Variants in SIN3B observed in about 807,000 individuals in gnomAD.
The protein encoded by SIN3B is paired amphipathic helix protein Sin3b.
In SIN3B, 19 loss-of-function variants were observed where a neutral mutation model predicts 120.2. The ratio of observed to expected loss-of-function variants is 0.16; its 90% CI spans 0.11 to 0.23. The LOEUF is 0.23. SIN3B is among the 10% of genes least tolerant of loss of function. The pLI, the probability that SIN3B is intolerant of heterozygous loss-of-function variation, is 1.00. For missense variants in SIN3B, 1,073 were observed against 1,573.0 expected (o/e 0.68, Z 5.38); for synonymous variants, 654 against 653.2 (o/e 1.00, Z -0.02).
At position 16,852,032 on chromosome 19, in the gene SIN3B, G is replaced by A. The variant is rs147774121; in HGVS notation, c.849+498G>A. Reference sequence around the variant, plus strand: ...GTCGTCCTCCCATTTATTTAGTTATGTATATTAGATATGGACTCTGGGTTA... The same window carrying A: ...GTCGTCCTCCCATTTATTTAGTTATATATATTAGATATGGACTCTGGGTTA... On this transcript the variant is annotated intron_variant, in intron 6 of 18. Transcript: ENST00000248054. Among the ~76,000 whole-genome samples the A allele has an allele frequency of 2.0e-3, 307 of 152,298 alleles. 2 individuals are homozygous for A. Among genetic ancestry groups the A allele is most frequent in the African/African-American group, 6.9e-3 (285 of 41,568 alleles).
intron 13 of SIN3B, 84 bp from the exon 14 acceptor site, chr19:16,871,145 T>C (rs777891152): frequency 6.3e-5 from 98 of 1,554,778 alleles, no homozygotes; most frequent in Non-Finnish European, 8.1e-5. Context: ...GGGGCATTTG[T>C]TGGGGCTCTG....
intron 3 of SIN3B, among the ~76,000 whole-genome samples, chr19:16,835,118 G>T (rs1971330660): frequency 1.3e-5 from 2 of 151,464 alleles, no homozygotes. Context: ...TAGAGACGGG[G>T]TTTCTCCATA....
At chr19:16,834,092 T>C (rs1971314580) in intron 3 of SIN3B, among the ~76,000 whole-genome samples, 1 of 152,172 alleles carries the variant, frequency 6.6e-6, no homozygotes. Flanking sequence ...TTCCATTTCC[T>C]GTTTGCAAAT....
At chr19:16,866,923 A>T (rs1334920874) in intron 12 of SIN3B, among the ~76,000 whole-genome samples, 3 of 152,044 alleles carry the variant, frequency 2.0e-5, no homozygotes, top group Non-Finnish European at 4.4e-5. Context: ...CACCCAGCTA[A>T]TTTTTATATT....
intron 5 of SIN3B, among the ~76,000 whole-genome samples, chr19:16,848,374 G>A (rs914264546): frequency 1.3e-5 from 2 of 148,626 alleles, no homozygotes; most frequent in Non-Finnish European, 3.0e-5. Flanking sequence ...TATCAGCAAT[G>A]GACTGCGGTT....
intron 4 of SIN3B, among the ~76,000 whole-genome samples, chr19:16,846,082 T>G (rs1287183915): frequency 6.6e-6 from 1 of 152,250 alleles, no homozygotes; most frequent in East Asian, 1.9e-4. Flanking sequence ...CTAAATTGTT[T>G]CTTTAAACTT....
At chr19:16,831,668 G>C in intron 3 of SIN3B, 21 bp downstream of exon 3, 2 of 1,612,144 alleles carry the variant, frequency 1.2e-6, no homozygotes, top group Non-Finnish European at 1.7e-6. Flanking sequence ...ACAGTGGTTC[G>C]GGTGATCTCA....
intron 2 of SIN3B, among the ~76,000 whole-genome samples, chr19:16,831,003 A>T (rs1056029820): frequency 2.0e-5 from 3 of 151,042 alleles, no homozygotes; most frequent in African/African-American, 7.3e-5. Context: ...GGGAACAGGG[A>T]GCTCAGGCCT....
intron 4 of SIN3B, among the ~76,000 whole-genome samples, chr19:16,842,617 C>T (rs755247932): frequency 7.9e-5 from 12 of 152,138 alleles, no homozygotes; most frequent in Non-Finnish European, 1.3e-4. Context: ...TTAGGCAATA[C>T]GGCCATCCTT....
At chr19:16,853,239 T>C in intron 7 of SIN3B, 81 bp downstream of exon 7, 2 of 1,342,890 alleles carry the variant, frequency 1.5e-6, no homozygotes, top group African/African-American at 1.4e-5. Context: ...TGCCCCAGGA[T>C]TGGGGCGGGG....
At chr19:16,834,958 C>T (rs142395856) in intron 3 of SIN3B, among the ~76,000 whole-genome samples, 9 of 142,912 alleles carry the variant, frequency 6.3e-5, no homozygotes, top group African/African-American at 1.6e-4. Context: ...TTCAGAGTTT[C>T]GCTCTTTACC....
rs1357642819 is a variant in SIN3B at position 16,878,484 on chromosome 19, G to T, written c.3163-13G>T. 3.8e-6 allele frequency: 6 copies of T among 1,563,448 alleles called. No individual in the cohort carries two copies. Among genetic ancestry groups the T allele is most frequent in the Non-Finnish European group, 5.2e-6 (6 of 1,153,854 alleles). ...CAGCCCTCAGCTGCCCTGACACCCGGCCTCTTCAACAGGTGCAGCCCCTGG... is the reference window on the plus strand; with the variant it reads ...CAGCCCTCAGCTGCCCTGACACCCGTCCTCTTCAACAGGTGCAGCCCCTGG... On this transcript the variant is annotated splice_polypyrimidine_tract_variant and intron_variant, in intron 18 of 18. Transcript: ENST00000248054.
intron 3 of SIN3B, among the ~76,000 whole-genome samples, chr19:16,838,628 T>C (rs1043631904): frequency 2.0e-5 from 3 of 152,210 alleles, no homozygotes; most frequent in Non-Finnish European, 2.9e-5. Flanking sequence ...TGCATAGTGC[T>C]GCAACGAACA....
Position 16,844,921 on chromosome 19 carries a change from A to G in SIN3B, c.583-2049A>G, listed in dbSNP as rs374933528. The stretch of plus-strand genomic sequence containing the variant: ...ACAGGGCTGGCCCCTAGCACAGGGG[A>G]ACGCTGAGAGAGTGCATGGACATGG... On this transcript the variant is annotated intron_variant, in intron 4 of 18. Transcript: ENST00000248054. Among the ~76,000 whole-genome samples the G allele has an allele frequency of 3.5e-4, 54 of 152,208 alleles. 1 individual carries two copies. The South Asian group carries it at 0.011, about 32-fold the overall frequency.
chr19:16,846,059 C>T (rs1243414720), intron 4 of SIN3B, among the ~76,000 whole-genome samples: 3 of 152,234 alleles, frequency 2.0e-5, no homozygotes, highest in African/African-American at 7.2e-5. Flanking sequence ...AGGCATGAGC[C>T]ATCATGCCCA....
At position 16,877,692 on chromosome 19, in the gene SIN3B, T is replaced by A. The variant is rs367738075; in HGVS notation, c.2954+53T>A. On this transcript the variant is annotated intron_variant, in intron 17 of 18. Coordinates refer to ENST00000248054, the MANE Select transcript of SIN3B (RefSeq NM_001297595.2). ...TTCCTTCCTTCCTGGGCCCAGGGAG[T>A]GTCCCCTTTGTCCTGACGGGGGCTG... 4.8e-6 allele frequency: 6 copies of A among 1,249,742 alleles called. No homozygotes were observed. In the African/African-American group the frequency reaches 8.8e-5, roughly 18 times the overall value. The allele number at this position is 1,249,742 out of a possible 1,614,324, so 77.4% of individuals were successfully genotyped here.
chr19:16,841,819 C>G lies in SIN3B; in HGVS notation c.433C>G (p.Pro145Ala), dbSNP rs1382150710. 1 of 1,614,004 alleles carries G rather than the reference C, an allele frequency of 6.2e-7. No homozygotes were observed. Among genetic ancestry groups the G allele is most frequent in the Non-Finnish European group, 8.5e-7 (1 of 1,179,998 alleles). ...TGCAGAGGACTTCAAGCAGCAGGTG[C>G]CGTATAAAGAGGACAAACCCCAGGT... is the stretch of plus-strand genomic sequence containing the variant. The part of the protein sequence containing the change: ...DGAEDFKQQV[P>A]YKEDKPQVPL... Residue 145 changes from proline to alanine, a missense_variant, in exon 4 of 19, where the codon CCG becomes GCG. Transcript: ENST00000248054.
rs1971698744 is a variant in SIN3B, at chr19:16,862,265, T to C, written c.1059-87T>C. 3.0e-6 allele frequency: 3 copies of C among 1,007,948 alleles called. No homozygotes were observed. Among genetic ancestry groups the C allele is most frequent in the East Asian group, 2.4e-5 (1 of 41,682 alleles). The allele number at this position is 1,007,948 out of a possible 1,614,324, so 62.4% of individuals were successfully genotyped here. A position where few individuals can be genotyped will look rare whatever the true frequency, so the allele number is the denominator to read the frequency against. On this transcript the variant is annotated intron_variant, in intron 8 of 18. Coordinates refer to ENST00000248054, the MANE Select transcript of SIN3B (RefSeq NM_001297595.2). The surrounding 1 kb of genome is among the most constrained non-coding windows in gnomAD (Gnocchi z 4.7). ...AATTCTGACTCTGTTTAACTTGTAA[T>C]GTCCACATGAAGCCATTCTAAAATC...
intron 17 of SIN3B, 72 bp downstream of exon 17, chr19:16,877,711 G>C (rs2051628688): frequency 4.6e-6 from 5 of 1,091,320 alleles, no homozygotes; most frequent in Admixed American, 2.0e-5. Context: ...TGTCCTGACG[G>C]GGGCTGGACC....
Sources: allele counts gnomAD v4.1 joint callset (sites outside exome capture counted in the v4.1 genomes callset), GRCh38; gene constraint gnomAD v4.1.1; non-coding constraint Gnocchi (gnomAD v3.1); transcripts MANE v1.5; gene names NCBI Gene and HGNC (gene_info 2026-07-23, HGNC 2026-07-21).